Variants in AQP7B observed in about 807,000 individuals in gnomAD.
AQP7B encodes aquaporin 7B.
the AQP7B span, among the ~76,000 whole-genome samples, chr2:94,590,944 C>CAAAAAA: frequency 1.0e-4 from 5 of 49,066 alleles, no homozygotes; most frequent in African/African-American, 3.5e-4. Flanking sequence ...GACCCTGTCT[C>CAAAAAA]AAAAAAAAAA....
At chr2:94,600,665 G>A in the AQP7B span, among the ~76,000 whole-genome samples, 1 of 152,180 alleles carries the variant, frequency 6.6e-6, no homozygotes, top group African/African-American at 2.4e-5. Flanking sequence ...ATCATATGAG[G>A]TCAGGTGTTT....
the AQP7B span, among the ~76,000 whole-genome samples, chr2:94,593,618 T>C: frequency 6.6e-6 from 1 of 151,824 alleles, no homozygotes; most frequent in Admixed American, 6.6e-5. Flanking sequence ...CCGAAGTAGC[T>C]GGGATTACAG....
At chr2:94,604,090 A>G in the AQP7B span, among the ~76,000 whole-genome samples, 1 of 152,160 alleles carries the variant, frequency 6.6e-6, no homozygotes, top group Non-Finnish European at 1.5e-5. Flanking sequence ...AGGCCAGTAC[A>G]GATACAGATC....
chr2:94,600,803 C>T, the AQP7B span, among the ~76,000 whole-genome samples: 6 of 150,608 alleles, frequency 4.0e-5, no homozygotes, highest in African/African-American at 1.2e-4. Flanking sequence ...CACTTGAACC[C>T]GGGAGTTGGA....
the AQP7B span, chr2:94,603,130 T>C: frequency 2.6e-6 from 4 of 1,553,114 alleles, no homozygotes; most frequent in Non-Finnish European, 3.5e-6. Context: ...GGGCAGTTCC[T>C]GGGCTCCTTC....
the AQP7B span, among the ~76,000 whole-genome samples, chr2:94,590,335 A>T: frequency 2.8e-4 from 42 of 149,672 alleles, 1 homozygote; most frequent in East Asian, 8.0e-3. Flanking sequence ...GGCACCTACC[A>T]CCACGCCCAG....
At chr2:94,594,901 T>G in the AQP7B span, 5 of 1,288,560 alleles carry the variant, frequency 3.9e-6, no homozygotes, top group Non-Finnish European at 4.5e-6. Context: ...ACGAAGTGGG[T>G]GGGGCTCCAC....
the AQP7B span, among the ~76,000 whole-genome samples, chr2:94,598,046 C>T: frequency 6.4e-3 from 970 of 152,296 alleles, 9 homozygotes; most frequent in Non-Finnish European, 0.01. Context: ...CTCTCTCAGC[C>T]TCAGTTTCCC....
At chr2:94,603,610 A>C in the AQP7B span, 9 of 1,325,504 alleles carry the variant, frequency 6.8e-6, no homozygotes, top group African/African-American at 1.2e-4. Context: ...TGGAGACTGT[A>C]CTGAGACGTC....
chr2:94,597,757 A>T, the AQP7B span, among the ~76,000 whole-genome samples: 8 of 151,786 alleles, frequency 5.3e-5, no homozygotes, highest in Admixed American at 2.6e-4. Flanking sequence ...GGTGCATGCC[A>T]CCATGCCCAG....
At chr2:94,590,892 C>CTT in the AQP7B span, among the ~76,000 whole-genome samples, 3,729 of 130,530 alleles carry the variant, frequency 0.029, 93 homozygotes, top group Non-Finnish European at 0.038. Flanking sequence ...CTTCAGTGAG[C>CTT]TTTGACTGTG....
At chr2:94,602,941 T>C in the AQP7B span, 1 of 1,363,516 alleles carries the variant, frequency 7.3e-7, no homozygotes. Context: ...TCACAGAGCA[T>C]GCTGTCATAC....
chr2:94,595,016 T>C, the AQP7B span: 1 of 555,148 alleles, frequency 1.8e-6, no homozygotes, highest in Non-Finnish European at 3.2e-6. Context: ...AAGTAAGGAG[T>C]GGGGGCTTTC....
the AQP7B span, chr2:94,594,876 G>C: frequency 4.0e-6 from 6 of 1,511,532 alleles, no homozygotes; most frequent in African/African-American, 6.9e-5. Flanking sequence ...TCATGATGGT[G>C]AGTGGGTGGG....
At chr2:94,602,493 T>C in the AQP7B span, 2 of 1,603,952 alleles carry the variant, frequency 1.2e-6, no homozygotes, top group African/African-American at 2.7e-5. Flanking sequence ...CCCTTGTAGG[T>C]ATTCGGCCTT....
the AQP7B span, chr2:94,603,046 T>C: frequency 1.3e-6 from 2 of 1,597,474 alleles, no homozygotes; most frequent in African/African-American, 1.3e-5. Context: ...GGAGCCCACA[T>C]GAATGCAGCT....
chr2:94,602,978 G>C, the AQP7B span: 6 of 1,520,442 alleles, frequency 3.9e-6, no homozygotes, highest in East Asian at 9.5e-5. Flanking sequence ...TTCTCATACT[G>C]TTTGTCACTG....
chr2:94,602,974 T>C, the AQP7B span: 1,926 of 1,507,698 alleles, frequency 1.3e-3, 25 homozygotes, highest in African/African-American at 0.024. Flanking sequence ...GTTGTTCTCA[T>C]ACTGTTTGTC....
At chr2:94,604,533 C>T in the AQP7B span, 7 of 1,608,828 alleles carry the variant, frequency 4.4e-6, no homozygotes, top group East Asian at 4.5e-5. Context: ...GTCCACTCTG[C>T]CCCACCCTTA....
Sources: gnomAD v4.1 joint callset for allele counts (sites outside exome capture counted in the v4.1 genomes callset) on GRCh38, gnomAD v4.1.1 for gene constraint, MANE v1.5 for transcripts, NCBI Gene and HGNC (gene_info 2026-07-23, HGNC 2026-07-21) for gene names.